The following BEST3 variants were observed in gnomAD, a reference collection of about 807,000 sequenced individuals.
BEST3 encodes bestrophin-3.
BEST3 carries 50 observed loss-of-function variants against 47.1 expected under a neutral mutation model. The observed-to-expected ratio is 1.06, with a 90% CI of 0.85 to 1.34. The LOEUF (loss-of-function observed/expected upper bound fraction) is 1.34. Among genes scored for constraint, BEST3 ranks in the 40% most tolerant of loss-of-function variants. The pLI, the probability that BEST3 is intolerant of heterozygous loss-of-function variation, is 0.00. For missense variants in BEST3, 765 were observed against 817.0 expected (o/e 0.94, Z 0.78); for synonymous variants, 282 against 298.8 (o/e 0.94, Z 0.58).
At position 69,653,649 on chromosome 12, in the gene BEST3, C is replaced by T. The variant is rs1170648271; in HGVS notation, c.*1258G>A. 3 of 985,264 alleles carry T rather than the reference C, an allele frequency of 3.0e-6. No homozygotes were observed. Among genetic ancestry groups the T allele is most frequent in the Non-Finnish European group, 3.6e-6 (3 of 829,940 alleles). The allele number at this position is 985,264 out of a possible 1,614,324, so 61.0% of individuals were successfully genotyped here. ...TTTTATTTCTAAAGCCATATGTAGT[C>T]AAGTGCCATCATATGACAAATGGTA... is the stretch of plus-strand genomic sequence containing the variant. On this transcript the variant is annotated 3_prime_UTR_variant, in exon 10 of 10. Coordinates refer to ENST00000330891, the MANE Select transcript of BEST3 (RefSeq NM_032735.3).
At chr12:69,648,450 C>T (rs1272595576) in intron 9 of BEST3, among the ~76,000 whole-genome samples, 8 of 152,138 alleles carry the variant, frequency 5.3e-5, no homozygotes, top group African/African-American at 1.9e-4. Flanking sequence ...AGAATGTATA[C>T]AAGCAAAGGG....
chr12:69,677,193 A>G lies in BEST3; in HGVS notation c.701T>C (p.Leu234Pro), dbSNP rs776531139. 2 of 1,613,912 alleles carry G rather than the reference A, an allele frequency of 1.2e-6. No homozygotes were observed. Among genetic ancestry groups the G allele is most frequent in the South Asian group, 2.2e-5 (2 of 91,030 alleles). Residue 234 changes from leucine to proline, a missense_variant, in exon 6 of 10, where the codon CTG becomes CCG. Transcript: ENST00000330891. ...LFGYDWVGIP[L>P]VYTQVVTLAV... Reference sequence around the variant, plus strand: ...AGTATTTCTTACCTGGGTGTAAACCAGCGGAATCCCAACCCAGTCATAACC... The same window carrying G: ...AGTATTTCTTACCTGGGTGTAAACCGGCGGAATCCCAACCCAGTCATAACC...
chr12:69,676,079 A>T (rs1364396311), intron 7 of BEST3, among the ~76,000 whole-genome samples: 1 of 152,160 alleles, frequency 6.6e-6, no homozygotes, highest in East Asian at 1.9e-4. Context: ...ACACACATAC[A>T]TTTGAGGAGG....
At chr12:69,676,574 T>G (rs947271740) in intron 7 of BEST3, among the ~76,000 whole-genome samples, 1 of 152,242 alleles carries the variant, frequency 6.6e-6, no homozygotes, top group Non-Finnish European at 1.5e-5. Context: ...TTGACTCTTT[T>G]ACTCTGCCTA....
At position 69,655,308 on chromosome 12, in the gene BEST3, G is replaced by T; in HGVS notation, c.1606C>A (p.Pro536Thr). 1 of 1,614,156 alleles carries T rather than the reference G, an allele frequency of 6.2e-7. No individual in the cohort carries two copies. The highest frequency in any genetic ancestry group is 8.5e-7 in the Non-Finnish European group (1 of 1,180,028). ...CCCTGCTGCTGCTCAGTCTTGCTTG[G>T]CTGAACCCCTGTAAACTCAGAGCTC... ...ILSSEFTGVQ[P>T]SKTEQQQGPM... The change falls in exon 10 of 10, where the codon CCA becomes ACA. Residue 536 changes from proline (P) to threonine (T), a missense_variant. Coordinates refer to ENST00000330891, the MANE Select transcript of BEST3 (RefSeq NM_032735.3).
intron 7 of BEST3, among the ~76,000 whole-genome samples, 189 bp downstream of exon 7, chr12:69,676,727 G>A (rs1884944438): frequency 6.6e-6 from 1 of 152,160 alleles, no homozygotes; most frequent in South Asian, 2.1e-4. Context: ...GCACAAATGA[G>A]CTGTTTCTAT....
chr12:69,651,174 A>G (rs1406840159), downstream of BEST3, among the ~76,000 whole-genome samples: 5 of 152,200 alleles, frequency 3.3e-5, no homozygotes, highest in Admixed American at 3.3e-4. Context: ...GGAAGAGAGG[A>G]AGGGCTTTTT....
chr12:69,680,543 G>A (rs1407770729), intron 4 of BEST3, among the ~76,000 whole-genome samples: 1 of 151,872 alleles, frequency 6.6e-6, no homozygotes, highest in Non-Finnish European at 1.5e-5. Context: ...TCCTGACCTC[G>A]TGATCCGCCC....
At position 69,655,717 on chromosome 12, in the gene BEST3, C is replaced by T; in HGVS notation, c.1197G>A (p.Leu399=). Reference sequence around the variant, plus strand: ...GGCTGGAGGGGTGTTCGTGGGCACTCAGGAACCGCTTGACTCTTCTTATCA... The same window carrying T: ...GGCTGGAGGGGTGTTCGTGGGCACTTAGGAACCGCTTGACTCTTCTTATCA... ...HSMIRRVKRF[L]SAHEHPSSPR... The change falls in exon 10 of 10, where the codon CTG becomes CTA. Residue 399 remains leucine, a synonymous_variant. Coordinates refer to ENST00000330891, the MANE Select transcript of BEST3 (RefSeq NM_032735.3). The T allele has an allele frequency of 3.1e-6, 5 of 1,613,972 alleles. No individual in the cohort carries two copies. The highest frequency in any genetic ancestry group is 4.2e-6 in the Non-Finnish European group (5 of 1,179,980).
downstream of BEST3, chr12:69,653,529 G>T (rs1030047187): frequency 4.5e-6 from 3 of 662,936 alleles, no homozygotes; most frequent in Admixed American, 1.3e-4. Flanking sequence ...TGTTTCTCTC[G>T]TCTTTAAAAT....
At chr12:69,649,782 T>C (rs1883152264), downstream of BEST3, among the ~76,000 whole-genome samples, 2 of 152,238 alleles carry the variant, frequency 1.3e-5, no homozygotes, top group Admixed American at 1.3e-4. Flanking sequence ...TCAAATATCT[T>C]CTGGGTGCAA....
intron 9 of BEST3, chr12:69,670,727 G>A (rs769447841): frequency 6.7e-6 from 3 of 448,948 alleles, no homozygotes; most frequent in Non-Finnish European, 1.2e-5. Context: ...AGAATTATAA[G>A]AAAAATTCCA....
intron 9 of BEST3, among the ~76,000 whole-genome samples, chr12:69,645,794 G>A (rs1426051208): frequency 7.0e-5 from 7 of 99,894 alleles, no homozygotes; most frequent in Admixed American, 1.0e-4. Flanking sequence ...GTACCCAATA[G>A]TTGTAACCCT....
rs542793280 is a variant in BEST3, at chr12:69,686,628, C to T, written c.481+7046G>A. Among the ~76,000 whole-genome samples, 21 of 151,510 alleles carry T rather than the reference C, an allele frequency of 1.4e-4. No individual in the cohort carries two copies. In the East Asian group the frequency reaches 1.9e-3, roughly 14 times the overall value. On this transcript the variant is annotated intron_variant, in intron 4 of 9. Coordinates refer to ENST00000330891, the MANE Select transcript of BEST3 (RefSeq NM_032735.3). ...CTCTACTAAAAATACAAAAATTAGC[C>T]GGGTGTGGTGGCCTGTGCCTGTAAT...
At chr12:69,674,807 A>G (rs974077582) in intron 7 of BEST3, among the ~76,000 whole-genome samples, 1 of 152,054 alleles carries the variant, frequency 6.6e-6, no homozygotes, top group African/African-American at 2.4e-5. Context: ...GCTTTTCTGC[A>G]CTTAGAAAAC....
chr12:69,664,547 C>T (rs1435739310), intron 9 of BEST3, among the ~76,000 whole-genome samples: 1 of 152,030 alleles, frequency 6.6e-6, no homozygotes, highest in Non-Finnish European at 1.5e-5. Flanking sequence ...TGTCTTTTTT[C>T]CTTCCTTTTT....
intron 9 of BEST3, chr12:69,669,654 T>C (rs959809256): frequency 6.6e-6 from 1 of 152,248 alleles, no homozygotes; most frequent in South Asian, 2.1e-4. Context: ...TCATGCTCTA[T>C]GATTTTATAT....
intron 1 of BEST3, among the ~76,000 whole-genome samples, chr12:69,698,444 G>A (rs192209867): frequency 1.3e-5 from 2 of 152,252 alleles, no homozygotes; most frequent in Admixed American, 1.3e-4. Context: ...GAGTTCTTTG[G>A]AATTCCACCA....
chr12:69,680,486 T>A (rs1885193343), intron 4 of BEST3, among the ~76,000 whole-genome samples: 2 of 151,886 alleles, frequency 1.3e-5, no homozygotes, highest in Admixed American at 1.3e-4. Flanking sequence ...GTTTTTGTAT[T>A]TTTAGTAGAG....
Sources: gnomAD v4.1 joint callset for allele counts (sites outside exome capture counted in the v4.1 genomes callset) on GRCh38, gnomAD v4.1.1 for gene constraint, MANE v1.5 for transcripts, NCBI Gene and HGNC (gene_info 2026-07-23, HGNC 2026-07-21) for gene names.